The following FBXO40 variants were observed in gnomAD, a reference collection of about 807,000 sequenced individuals.
FBXO40 encodes F-box protein 40.
A neutral mutation model predicts 49.9 loss-of-function variants in FBXO40; 50 were observed. That is an observed-to-expected ratio of 1.00 (90% CI 0.80 to 1.27). The LOEUF (loss-of-function observed/expected upper bound fraction) is 1.27. Among genes scored for constraint, FBXO40 ranks in the 50% most tolerant of loss-of-function variants. The pLI is 0.00. For synonymous variants in FBXO40, 340 were observed against 320.2 expected (o/e 1.06, Z -0.66); for missense variants, 895 against 870.1 (o/e 1.03, Z -0.36).
chr3:121,621,769 A>G lies in FBXO40; in HGVS notation c.340A>G (p.Asn114Asp). ...NVDSETTLHE[N>D]IMKETPSEEC... ...GGACTCTGAAACCACCCTTCATGAA[A>G]ACATCATGAAAGAGACCCCCAGTGA... The change falls in exon 3 of 4, where the codon AAC becomes GAC. Residue 114 changes from asparagine to aspartate, a missense_variant. Physicochemically the swap from Asn to Asp is conservative, Grantham distance 23. Coordinates refer to ENST00000338040, the MANE Select transcript of FBXO40 (RefSeq NM_016298.4). 1 of 1,614,184 alleles carries G rather than the reference A, an allele frequency of 6.2e-7. No individual in the cohort carries two copies. Among genetic ancestry groups the G allele is most frequent in the Non-Finnish European group, 8.5e-7 (1 of 1,180,034 alleles).
intron 1 of FBXO40, among the ~76,000 whole-genome samples, chr3:121,604,931 TGGC>T (rs2048923296): frequency 7.4e-6 from 1 of 135,038 alleles, no homozygotes; most frequent in African/African-American, 2.7e-5. Context: ...GAAGGTTGGC[TGGC>T]TTTATTTATT....
At chr3:121,595,425 A>C (rs182401759) in intron 1 of FBXO40, among the ~76,000 whole-genome samples, 1 of 152,374 alleles carries the variant, frequency 6.6e-6, no homozygotes, top group East Asian at 1.9e-4. Flanking sequence ...TTACTTTAGC[A>C]CTATCTTGGC....
Position 121,628,736 on chromosome 3 carries a change from C to T in FBXO40, c.*1826C>T, listed in dbSNP as rs891220013. The T allele has an allele frequency of 6.6e-6, 1 of 152,156 alleles. No individual in the cohort carries two copies. Among genetic ancestry groups the T allele is most frequent in the Non-Finnish European group, 1.5e-5 (1 of 68,042 alleles). The allele number at this position is 152,156 out of a possible 1,614,324, so 9.4% of individuals were successfully genotyped here. ...TATCCACAATAGTTATGATTTAATG[C>T]AGCTCTTTATTTATGAAATAGGTTT... On this transcript the variant is annotated 3_prime_UTR_variant, in exon 4 of 4. Transcript: ENST00000338040.
intron 1 of FBXO40, among the ~76,000 whole-genome samples, chr3:121,600,263 C>G (rs1224445451): frequency 7.2e-6 from 1 of 138,928 alleles, no homozygotes; most frequent in Non-Finnish European, 1.5e-5. Context: ...TGATCTCAAT[C>G]TCCTGAGCTC....
intron 1 of FBXO40, among the ~76,000 whole-genome samples, chr3:121,619,571 A>G (rs932511654): frequency 1.3e-5 from 2 of 152,224 alleles, no homozygotes; most frequent in African/African-American, 4.8e-5. Context: ...ATTGTGATGA[A>G]ATATAAAATA....
chr3:121,622,793 T>C lies in FBXO40; in HGVS notation c.1364T>C (p.Leu455Pro), dbSNP rs1482413930. ...CTAACCGCTGCCACCCCAGGGGGAC[T>C]CCACGTGGAGCTCCACAGCGAGTGT... Reference protein sequence around the residue: ...ADLTAATPGGLHVELHSECVT... With the variant: ...ADLTAATPGGPHVELHSECVT... The change falls in exon 3 of 4, where the codon CTC becomes CCC. Residue 455 changes from leucine (L) to proline (P), a missense_variant. Leu to Pro is a moderately conservative substitution (Grantham distance 98, BLOSUM62 -3). Transcript: ENST00000338040. 8 of 1,614,044 alleles carry C rather than the reference T, an allele frequency of 5.0e-6. No individual in the cohort carries two copies. The highest frequency in any genetic ancestry group is 1.6e-4 in the Middle Eastern group (1 of 6,084).
chr3:121,608,040 T>C (rs1004932811), intron 1 of FBXO40, among the ~76,000 whole-genome samples: 1 of 152,244 alleles, frequency 6.6e-6, no homozygotes, highest in Non-Finnish European at 1.5e-5. Flanking sequence ...ATTTTCGTTC[T>C]TCCTTGGAGT....
intron 2 of FBXO40, 78 bp from the exon 3 acceptor site, chr3:121,621,355 A>T: frequency 7.6e-7 from 1 of 1,312,868 alleles, no homozygotes; most frequent in Non-Finnish European, 1.1e-6. Flanking sequence ...TATGTCAATT[A>T]AAACACAGTC....
At chr3:121,626,581 T>A in intron 3 of FBXO40, 114 bp from the exon 4 acceptor site, 1 of 934,844 alleles carries the variant, frequency 1.1e-6, no homozygotes, top group South Asian at 1.5e-5. Flanking sequence ...CACTAAACAC[T>A]CTGGAGTCTA....
In FBXO40 at chr3:121,622,563, G is replaced by T; in HGVS notation, c.1134G>T (p.Val378=). ...LSCKPSEHKA[V]DTSDLGITVE... ...GTAAGCCAAGTGAACACAAGGCAGTGGATACTTCAGATTTGGGGATCACTG... is the reference window on the plus strand; with the variant it reads ...GTAAGCCAAGTGAACACAAGGCAGTTGATACTTCAGATTTGGGGATCACTG... The change falls in exon 3 of 4, where the codon GTG becomes GTT. Residue 378 remains valine (V), a synonymous_variant. Coordinates refer to ENST00000338040, the MANE Select transcript of FBXO40 (RefSeq NM_016298.4). The T allele has an allele frequency of 6.2e-7, 1 of 1,614,172 alleles. No homozygotes were observed. The highest frequency in any genetic ancestry group is 8.5e-7 in the Non-Finnish European group (1 of 1,180,042).
At chr3:121,620,189 T>C (rs143124249) in intron 1 of FBXO40, among the ~76,000 whole-genome samples, 272 of 151,964 alleles carry the variant, frequency 1.8e-3, no homozygotes, top group African/African-American at 6.3e-3. Flanking sequence ...GGTAGCAGAG[T>C]GTTTAGGATG....
At chr3:121,610,241 C>A (rs992233929) in intron 1 of FBXO40, among the ~76,000 whole-genome samples, 3 of 152,244 alleles carry the variant, frequency 2.0e-5, no homozygotes, top group African/African-American at 7.2e-5. Context: ...CTCAAGGCTG[C>A]AGCTAAAAGC....
intron 1 of FBXO40, among the ~76,000 whole-genome samples, chr3:121,605,095 G>GC (rs2048925037): frequency 6.6e-6 from 1 of 151,990 alleles, no homozygotes; most frequent in Non-Finnish European, 1.5e-5. Context: ...GCCTCAGCCT[G>GC]CCAAGTAGCT....
chr3:121,622,576 T>G lies in FBXO40; in HGVS notation c.1147T>G (p.Leu383Val), dbSNP rs150110746. The G allele has an allele frequency of 1.2e-6, 2 of 1,614,144 alleles. No homozygotes were observed. Among genetic ancestry groups the G allele is most frequent in the African/African-American group, 1.3e-5 (1 of 75,012 alleles). Residue 383 changes from leucine to valine, a missense_variant, in exon 3 of 4, where the codon TTG (leucine) becomes GTG (valine). By Grantham distance (32) the Leu-to-Val change is conservative. Transcript: ENST00000338040. The stretch of plus-strand genomic sequence containing the variant: ...ACACAAGGCAGTGGATACTTCAGAT[T>G]TGGGGATCACTGTGGAGGACCTGCC... ...SEHKAVDTSDLGITVEDLPKS... is the reference protein window; with the variant it reads ...SEHKAVDTSDVGITVEDLPKS...
Position 121,621,955 on chromosome 3 carries a change from G to T in FBXO40, c.526G>T (p.Val176Leu). Residue 176 changes from valine (V) to leucine (L), a missense_variant, in exon 3 of 4, where the codon GTG (valine) becomes TTG (leucine). By Grantham distance (32) the Val-to-Leu change is conservative. Coordinates refer to ENST00000338040, the MANE Select transcript of FBXO40 (RefSeq NM_016298.4). ...VEEMGGAVGG[V>L]DIGLVPHGLS... ...GGAAATGGGAGGAGCAGTGGGTGGA[G>T]TGGATATCGGTTTGGTACCACATGG... 6.2e-7 allele frequency: 1 copy of T among 1,614,230 alleles called. No individual in the cohort carries two copies. Among genetic ancestry groups the T allele is most frequent in the Non-Finnish European group, 8.5e-7 (1 of 1,180,048 alleles).
chr3:121,607,151 G>C (rs944477238), intron 1 of FBXO40, among the ~76,000 whole-genome samples: 2 of 151,440 alleles, frequency 1.3e-5, no homozygotes, highest in Middle Eastern at 6.9e-3. Context: ...TGTAGTCCCA[G>C]CTACTTGGAA....
intron 1 of FBXO40, among the ~76,000 whole-genome samples, chr3:121,612,344 A>G (rs1051264935): frequency 2.0e-5 from 3 of 152,176 alleles, no homozygotes; most frequent in African/African-American, 7.2e-5. Context: ...AATGTAAGAC[A>G]GGGCTTGAAG....
At chr3:121,620,673 A>T (rs35295338) in intron 2 of FBXO40, 95 bp downstream of exon 2, 5 of 1,473,268 alleles carry the variant, frequency 3.4e-6, no homozygotes, top group Non-Finnish European at 4.7e-6. Flanking sequence ...ACTTGCTCTT[A>T]TGGTTTGATG....
At chr3:121,619,482 G>A (rs574998434) in intron 1 of FBXO40, among the ~76,000 whole-genome samples, 82 of 152,200 alleles carry the variant, frequency 5.4e-4, no homozygotes, top group African/African-American at 2.0e-3. Context: ...AAATAGTGTT[G>A]TTTTAAATTA....
Sources: gnomAD v4.1 joint callset for allele counts (sites outside exome capture counted in the v4.1 genomes callset) on GRCh38, gnomAD v4.1.1 for gene constraint, MANE v1.5 for transcripts, NCBI Gene and HGNC (gene_info 2026-07-23, HGNC 2026-07-21) for gene names.